Variants in SEC16A observed in about 807,000 individuals in gnomAD.
SEC16A encodes protein transport protein Sec16A.
A neutral mutation model predicts 221.9 loss-of-function variants in SEC16A; 110 were observed. The observed-to-expected ratio is 0.50, with a 90% CI of 0.42 to 0.58. The LOEUF is 0.58. Ranked by LOEUF, SEC16A falls within the 20% of genes least tolerant of loss-of-function variation. SEC16A has a pLI of 0.00. For missense variants in SEC16A, 3,165 were observed against 3,097.8 expected, an observed-to-expected ratio of 1.02 and a Z score of -0.52; for synonymous variants, 1,393 against 1,257.7, an observed-to-expected ratio of 1.11 and a Z score of -2.28.
rs1006237082 is a variant in SEC16A at position 136,454,235 on chromosome 9, G to C, written c.5950C>G (p.Pro1984Ala). 1.3e-6 allele frequency: 2 copies of C among 1,572,706 alleles called. No homozygotes were observed. Among genetic ancestry groups the C allele is most frequent in the Non-Finnish European group, 1.7e-6 (2 of 1,159,300 alleles). The change falls in exon 21 of 32, where the codon CCT becomes GCT. Residue 1984 changes from proline (P) to alanine (A), a missense_variant. Transcript: ENST00000684901. ...GCAGGCCCTGGGGTCACACAGCCAG[G>C]ACCCGGCTCCAGGGGCCCCGGGGGC... ...PLPPGPLEPG[P>A]GCVTPGPALG...
In SEC16A at chr9:136,477,465, C is replaced by T; in HGVS notation, c.151G>A (p.Val51Ile). The part of the protein sequence containing the change: ...VAPTTCPLQP[V>I]TDPFAFSRQA... ...CTACTAAAAGCAAATGGATCCGTGA[C>T]CGGCTGCAACGGGCAAGTTGTCGGA... The change falls in exon 3 of 32, where the codon GTC (valine) becomes ATC (isoleucine). Residue 51 changes from valine to isoleucine, a missense_variant. Physicochemically the swap from Val to Ile is conservative, Grantham distance 29. Transcript: ENST00000684901. 1 of 1,614,014 alleles carries T rather than the reference C, an allele frequency of 6.2e-7. No individual in the cohort carries two copies. The highest frequency in any genetic ancestry group is 1.3e-5 in the African/African-American group (1 of 75,050).
chr9:136,445,172 C>A, intron 29 of SEC16A, 61 bp from the exon 30 acceptor site: 1 of 1,394,858 alleles, frequency 7.2e-7, no homozygotes, highest in Non-Finnish European at 1.0e-6. Context: ...CGTCACTGTC[C>A]AATCCAAGCT....
upstream of SEC16A, chr9:136,483,516 G>A: frequency 1.0e-6 from 1 of 982,924 alleles, no homozygotes; most frequent in Non-Finnish European, 1.2e-6. Flanking sequence ...TCACCGCTTG[G>A]CCCCGCCCCT....
rs758944585 is a variant in SEC16A, at chr9:136,454,278, C to T, written c.5907G>A (p.Pro1969=). The change falls in exon 21 of 32, where the codon CCG becomes CCA. Residue 1969 remains proline, a synonymous_variant. Coordinates refer to ENST00000684901, the MANE Select transcript of SEC16A (RefSeq NM_014866.2). The part of the protein sequence containing the change: ...DGPLASPARV[P]MFPVPLPPGP... ...CCGGGGGCAGTGGCACTGGGAACAT[C>T]GGCACTCTGGCAGGACTGGCCAATG... is the stretch of plus-strand genomic sequence containing the variant. 85 of 1,583,686 alleles carry T rather than the reference C, an allele frequency of 5.4e-5. No individual in the cohort carries two copies. The highest frequency in any genetic ancestry group is 1.2e-4 in the African/African-American group (9 of 74,448).
chr9:136,480,385 C>A (rs1842166456), intron 1 of SEC16A, among the ~76,000 whole-genome samples: 1 of 152,172 alleles, frequency 6.6e-6, no homozygotes, highest in South Asian at 2.1e-4. Context: ...AAACACAGAG[C>A]ACGGGCCTAG....
chr9:136,476,601 G>A lies in SEC16A; in HGVS notation c.1015C>T (p.Arg339Trp), dbSNP rs768101774. 112 of 1,598,268 alleles carry A rather than the reference G, an allele frequency of 7.0e-5. No individual in the cohort carries two copies. The highest frequency in any genetic ancestry group is 1.3e-4 in the African/African-American group (10 of 74,566). The change falls in exon 3 of 32, where the codon CGG (arginine) becomes TGG (tryptophan). Residue 339 changes from arginine to tryptophan, a missense_variant. This residue lies in a region of SEC16A where 2,030 missense variants were observed against 1,923.1 expected (regional missense o/e 1.06). Transcript: ENST00000684901. ...GTACGGTTTTCTGGGCTATCTCCCC[G>A]GGCGAGGGGGTTCACAAGAGCAGAG... ...PASALVNPLA[R>W]GDSPENRTHH...
chr9:136,445,616 C>T (rs767340277), intron 29 of SEC16A, 29 bp downstream of exon 29: 11 of 1,526,550 alleles, frequency 7.2e-6, no homozygotes, highest in South Asian at 2.4e-5. Context: ...GCCTGGGCTG[C>T]GGGGGGCCCT....
At chr9:136,460,870 G>A (rs533808576) in intron 13 of SEC16A, among the ~76,000 whole-genome samples, 13 of 152,256 alleles carry the variant, frequency 8.5e-5, no homozygotes, top group Admixed American at 1.3e-4. Context: ...CTGAGATCGC[G>A]CCCCTGCACT....
At chr9:136,480,096 C>G (rs1158013116) in intron 1 of SEC16A, among the ~76,000 whole-genome samples, 1 of 152,180 alleles carries the variant, frequency 6.6e-6, no homozygotes, top group African/African-American at 2.4e-5. Context: ...AGGCTCTCAT[C>G]TGAAAACAAA....
chr9:136,447,160 TAGAA>T lies in SEC16A; in HGVS notation c.6697+63_6697+66del. 2.6e-6 allele frequency: 4 copies of T among 1,546,876 alleles called. No homozygotes were observed. Among genetic ancestry groups the T allele is most frequent in the African/African-American group, 2.7e-5 (2 of 73,266 alleles). On this transcript the variant is annotated intron_variant, in intron 27 of 31. Transcript: ENST00000684901. This position sits in a 1 kb window ranked among gnomAD's most constrained non-coding sequence, Gnocchi z 5.5. ...TAACGGGAGATTTAGGAGAGACTCA[TAGAA>T]AGAGGATCAAAGGTCAGGAGACTGG...
At position 136,475,542 on chromosome 9, in the gene SEC16A, C is replaced by T. The variant is rs371087719; in HGVS notation, c.2074G>A (p.Ala692Thr). Residue 692 changes from alanine to threonine, a missense_variant, in exon 3 of 32, where the codon GCA (alanine) becomes ACA (threonine). By Grantham distance (58) the Ala-to-Thr change is moderately conservative. Transcript: ENST00000684901. This position sits in a 1 kb window ranked among gnomAD's most constrained non-coding sequence, Gnocchi z 5.0. Reference protein sequence around the residue: ...TTEAVHMLPHAGAPPLDTVYP... With the variant: ...TTEAVHMLPHTGAPPLDTVYP... The stretch of plus-strand genomic sequence containing the variant: ...ACAGTATCCAAGGGCGGTGCCCCTG[C>T]GTGCGGAAGCATGTGCACAGCTTCC... 83 of 1,613,192 alleles carry T rather than the reference C, an allele frequency of 5.1e-5. No homozygotes were observed. Among genetic ancestry groups the T allele is most frequent in the African/African-American group, 1.5e-4 (11 of 75,018 alleles).
intron 31 of SEC16A, 111 bp from the exon 32 acceptor site, chr9:136,441,934 CGCTGACAAGCTGAAG>C: frequency 1.1e-6 from 1 of 898,894 alleles, no homozygotes; most frequent in Non-Finnish European, 1.8e-6. Flanking sequence ...GGGCCATTGG[CGCTGACAAGCTGAAG>C]GCTTCGTTTT....
intron 13 of SEC16A, among the ~76,000 whole-genome samples, chr9:136,460,751 A>G (rs918653506): frequency 6.6e-6 from 1 of 152,078 alleles, no homozygotes; most frequent in Non-Finnish European, 1.5e-5. Context: ...ACCTCTACTA[A>G]AAATACAAAA....
intron 4 of SEC16A, among the ~76,000 whole-genome samples, chr9:136,471,379 T>C (rs1011156306): frequency 6.6e-6 from 1 of 151,280 alleles, no homozygotes; most frequent in African/African-American, 2.4e-5. Flanking sequence ...GAGGTTGAAG[T>C]GGGAAGATTG....
At chr9:136,465,198 C>A (rs151267097) in intron 8 of SEC16A, among the ~76,000 whole-genome samples, 1 of 152,272 alleles carries the variant, frequency 6.6e-6, no homozygotes, top group East Asian at 1.9e-4. Context: ...ACACTCTAAT[C>A]CAAGCATTTT....
rs777411322 is a variant in SEC16A, at chr9:136,474,132, A to G, written c.3484T>C (p.Tyr1162His). 8.7e-6 allele frequency: 14 copies of G among 1,612,666 alleles called. No individual in the cohort carries two copies. Among genetic ancestry groups the G allele is most frequent in the Non-Finnish European group, 1.2e-5 (14 of 1,179,404 alleles). The change falls in exon 3 of 32, where the codon TAC (tyrosine) becomes CAC (histidine). Residue 1162 changes from tyrosine (Y) to histidine (H), a missense_variant. By Grantham distance (83) the Tyr-to-His change is moderately conservative. Around this residue, in one of 3 missense-constraint regions of SEC16A, gnomAD observed 2,030 missense variants for 1,923.1 expected, o/e 1.06. Transcript: ENST00000684901. ...TGGTAGGCATCGTACAAAGGCCGGT[A>G]GTAGTAGTAGGCGGCCAGGTCCTGA... Reference protein sequence around the residue: ...PPQDLAAYYYYRPLYDAYQPQ... With the variant: ...PPQDLAAYYYHRPLYDAYQPQ...
chr9:136,462,674 G>T (rs1839649857), intron 12 of SEC16A, among the ~76,000 whole-genome samples: 1 of 152,196 alleles, frequency 6.6e-6, no homozygotes, highest in African/African-American at 2.4e-5. Flanking sequence ...TCCAACACTG[G>T]AAACAGTTAG....
In SEC16A at chr9:136,459,584, G is replaced by T; in HGVS notation, c.5192-29C>A. 1 of 1,531,780 alleles carries T rather than the reference G, an allele frequency of 6.5e-7. No homozygotes were observed. The highest frequency in any genetic ancestry group is 2.4e-5 in the East Asian group (1 of 41,914). The allele number at this position is 1,531,780 out of a possible 1,614,324, so 94.9% of individuals were successfully genotyped here. On this transcript the variant is annotated intron_variant, in intron 15 of 31. Transcript: ENST00000684901. The surrounding 1 kb of genome is among the most constrained non-coding windows in gnomAD (Gnocchi z 6.1). ...CGGAGAGACGACACGACACACGGCG[G>T]GGGCTCAGCGACCGGGAGCGCTTGC...
rs370451169 is a variant in SEC16A at position 136,474,958 on chromosome 9, A to T, written c.2658T>A (p.Ser886=). The T allele has an allele frequency of 5.6e-6, 9 of 1,613,728 alleles. No homozygotes were observed. The African/African-American group carries it at 1.1e-4, about 19-fold the overall frequency. The change falls in exon 3 of 32, where the codon TCT becomes TCA. Residue 886 remains serine, a synonymous_variant. Transcript: ENST00000684901. ...GGDSGENTSL[S]GIPTSSVLSL... ...TAAGGACAGAGCTGGTTGGAATCCC[A>T]GACAAAGAAGTGTTCTCCCCAGAAT...
Sources: allele counts gnomAD v4.1 joint callset (sites outside exome capture counted in the v4.1 genomes callset), GRCh38; gene constraint gnomAD v4.1.1; regional missense constraint gnomAD v4.1.1; non-coding constraint Gnocchi (gnomAD v3.1); transcripts MANE v1.5; gene names NCBI Gene and HGNC (gene_info 2026-07-23, HGNC 2026-07-21).